Variants in HIBADH observed in about 807,000 individuals in gnomAD.
HIBADH encodes the protein 3-hydroxyisobutyrate dehydrogenase, also known as 3-hydroxyisobutyrate dehydrogenase, mitochondrial.
In HIBADH, 25 loss-of-function variants were observed where a neutral mutation model predicts 36.1. The ratio of observed to expected loss-of-function variants is 0.69; its 90% CI spans 0.50 to 0.97. HIBADH has a LOEUF of 0.97. Ranked by LOEUF, HIBADH falls within the 50% of genes least tolerant of loss-of-function variation. HIBADH has a pLI of 0.00. For missense variants in HIBADH, 421 were observed against 418.0 expected (o/e 1.01, Z -0.06); for synonymous variants, 160 against 149.5 (o/e 1.07, Z -0.51).
chr7:27,654,231 A>G (rs1254328578), intron 1 of HIBADH, among the ~76,000 whole-genome samples: 1 of 152,208 alleles, frequency 6.6e-6, no homozygotes, highest in Non-Finnish European at 1.5e-5. Flanking sequence ...GAGAGCATCA[A>G]TAAGCTGTGA....
intron 4 of HIBADH, among the ~76,000 whole-genome samples, chr7:27,555,605 G>A (rs1162324926): frequency 6.6e-6 from 1 of 152,030 alleles, no homozygotes; most frequent in African/African-American, 2.4e-5. Flanking sequence ...TTGGTCTCCT[G>A]CATGTCCATT....
intron 5 of HIBADH, 133 bp downstream of exon 5, chr7:27,542,834 A>G: frequency 9.6e-7 from 1 of 1,038,776 alleles, no homozygotes; most frequent in Non-Finnish European, 1.4e-6. Flanking sequence ...ATTTATTCCA[A>G]ATAAATGTTT....
intron 5 of HIBADH, among the ~76,000 whole-genome samples, chr7:27,541,391 T>C (rs1374702933): frequency 1.3e-5 from 2 of 152,200 alleles, no homozygotes; most frequent in Non-Finnish European, 2.9e-5. Flanking sequence ...TAAGTTGTCA[T>C]ATTTTTCTTG....
chr7:27,621,405 G>T lies in HIBADH; in HGVS notation c.484+7966C>A, dbSNP rs181434489. ...CATTTACAGCACATTTTATCCAACA[G>T]TTGCAGAATATACATTTTTTCCATC... On this transcript the variant is annotated intron_variant, in intron 4 of 7. Transcript: ENST00000265395. 3.6e-4 allele frequency among the ~76,000 whole-genome samples: 55 copies of T among 152,310 alleles called. 1 individual carries two copies. In the East Asian group the frequency reaches 0.011, roughly 29 times the overall value.
At chr7:27,594,113 A>T (rs186131959) in intron 4 of HIBADH, among the ~76,000 whole-genome samples, 3 of 150,472 alleles carry the variant, frequency 2.0e-5, no homozygotes, top group African/African-American at 7.3e-5. Context: ...CTGTTGAAGA[A>T]ATGTTTAGGT....
At chr7:27,592,864 A>G (rs1444964676) in intron 4 of HIBADH, among the ~76,000 whole-genome samples, 2 of 152,184 alleles carry the variant, frequency 1.3e-5, no homozygotes, top group East Asian at 3.8e-4. Flanking sequence ...AACATGGTGA[A>G]AAAGGTCTTG....
intron 1 of HIBADH, among the ~76,000 whole-genome samples, chr7:27,653,696 C>A (rs1786242817): frequency 6.6e-6 from 1 of 151,332 alleles, no homozygotes; most frequent in Admixed American, 6.6e-5. Flanking sequence ...GAGATCGCAC[C>A]ACTGCACTCC....
chr7:27,540,575 G>A (rs1054096355), intron 5 of HIBADH, among the ~76,000 whole-genome samples: 6 of 152,164 alleles, frequency 3.9e-5, no homozygotes, highest in East Asian at 1.9e-4. Context: ...CCTTCAAGGC[G>A]TTTTCCACAA....
intron 4 of HIBADH, among the ~76,000 whole-genome samples, chr7:27,597,229 A>G (rs1264537170): frequency 6.6e-6 from 1 of 152,168 alleles, no homozygotes; most frequent in Non-Finnish European, 1.5e-5. Flanking sequence ...AAGATGACAG[A>G]AACATATGCA....
chr7:27,662,823 C>T lies in HIBADH; in HGVS notation c.-35G>A, dbSNP rs1414062912. On this transcript the variant is annotated 5_prime_UTR_variant, in exon 1 of 8. Transcript: ENST00000265395. ...GCCCCTCTCCCCGCGGTGACCTCCG[C>T]CGCCTCCCGGAGGGCCCACAGACTG... The T allele has an allele frequency of 3.5e-6, 5 of 1,436,776 alleles. No individual in the cohort carries two copies. The highest frequency in any genetic ancestry group is 2.6e-5 in the Admixed American group (1 of 38,334). 89.0% of individuals were successfully genotyped at this position (1,436,776 alleles called of 1,614,324 possible). A position where few individuals can be genotyped will look rare whatever the true frequency, so the allele number is the denominator to read the frequency against.
intron 4 of HIBADH, among the ~76,000 whole-genome samples, chr7:27,597,472 T>A (rs944389141): frequency 8.6e-5 from 13 of 150,912 alleles, no homozygotes; most frequent in African/African-American, 3.2e-4. Context: ...ATCATGATGC[T>A]CGGAGTCAAT....
chr7:27,635,195 C>T (rs1785818281), intron 2 of HIBADH, among the ~76,000 whole-genome samples: 1 of 151,896 alleles, frequency 6.6e-6, no homozygotes, highest in Admixed American at 6.6e-5. Flanking sequence ...ACAATCTCAC[C>T]ATCCATGTGA....
chr7:27,536,244 A>G (rs1784068297), intron 6 of HIBADH, among the ~76,000 whole-genome samples: 1 of 152,158 alleles, frequency 6.6e-6, no homozygotes, highest in Admixed American at 6.6e-5. Flanking sequence ...ACCACTGAGA[A>G]TCTTCGTAAG....
At chr7:27,617,544 A>G (rs1024223337) in intron 4 of HIBADH, among the ~76,000 whole-genome samples, 3 of 152,316 alleles carry the variant, frequency 2.0e-5, no homozygotes, top group Admixed American at 1.3e-4. Context: ...AATTAGGAAT[A>G]AAAATACCTC....
chr7:27,570,053 G>C (rs1435771284), intron 4 of HIBADH, among the ~76,000 whole-genome samples: 1 of 152,192 alleles, frequency 6.6e-6, no homozygotes, highest in Admixed American at 6.5e-5. Context: ...TAGGATTCAT[G>C]CTGTCTTTGA....
chr7:27,529,714 AG>A (rs1440475767), intron 7 of HIBADH, among the ~76,000 whole-genome samples: 1 of 152,270 alleles, frequency 6.6e-6, no homozygotes, highest in Non-Finnish European at 1.5e-5. Flanking sequence ...TTGATAAAGT[AG>A]CATCAGGGTT....
rs562249298 is a variant in HIBADH, at chr7:27,562,787, CCCTTTAGGAT to C, written c.485-19697_485-19688del. On this transcript the variant is annotated intron_variant, in intron 4 of 7. Transcript: ENST00000265395. ...CCATTTCTTTTCATATCTCAGACTT[CCCTTTAGGAT>C]CCTTTAGGATCAAAGGATAACCTTT... is the stretch of plus-strand genomic sequence containing the variant. Among the ~76,000 whole-genome samples the C allele has an allele frequency of 1.9e-4, 29 of 152,278 alleles. 1 individual carries two copies. The South Asian group carries it at 5.2e-3, about 27-fold the overall frequency.
intron 6 of HIBADH, among the ~76,000 whole-genome samples, chr7:27,532,325 C>T (rs932896326): frequency 7.9e-5 from 12 of 152,084 alleles, no homozygotes; most frequent in African/African-American, 2.9e-4. Flanking sequence ...AAAAGCTTTC[C>T]ACTTTTTCTT....
intron 1 of HIBADH, among the ~76,000 whole-genome samples, chr7:27,662,227 C>A (rs1324057985): frequency 6.6e-6 from 1 of 152,076 alleles, no homozygotes; most frequent in Non-Finnish European, 1.5e-5. Flanking sequence ...TAAGGCCATC[C>A]CCTCGGACTC....
Sources: gnomAD v4.1 joint callset for allele counts (sites outside exome capture counted in the v4.1 genomes callset) on GRCh38, gnomAD v4.1.1 for gene constraint, MANE v1.5 for transcripts, NCBI Gene and HGNC (gene_info 2026-07-23, HGNC 2026-07-21) for gene names.